SNTG1: variants seen among roughly 807,000 people sequenced by gnomAD.
The protein encoded by SNTG1 is gamma-1-syntrophin.
SNTG1 carries 39 observed loss-of-function variants against 74.7 expected under a neutral mutation model. The ratio of observed to expected loss-of-function variants is 0.52; its 90% CI spans 0.40 to 0.68. The LOEUF is 0.68. Ranked by LOEUF, SNTG1 falls within the 30% of genes least tolerant of loss-of-function variation. The pLI is 0.00. For synonymous variants in SNTG1, 254 were observed against 217.1 expected, an observed-to-expected ratio of 1.17 and a Z score of -1.49; for missense variants, 685 against 609.5, an observed-to-expected ratio of 1.12 and a Z score of -1.30.
At chr8:50,416,962 T>C (rs1420141296) in intron 4 of SNTG1, among the ~76,000 whole-genome samples, 3 of 152,136 alleles carry the variant, frequency 2.0e-5, no homozygotes, top group Non-Finnish European at 4.4e-5. Context: ...CATAAAGTAA[T>C]ACATTCAAGT....
intron 1 of SNTG1, among the ~76,000 whole-genome samples, chr8:50,085,529 A>G (rs1383807831): frequency 1.3e-5 from 2 of 152,210 alleles, no homozygotes; most frequent in Non-Finnish European, 2.9e-5. Flanking sequence ...CAGCATCCTC[A>G]TAGTATCATC....
chr8:50,563,964 C>T (rs2094501799), intron 12 of SNTG1, among the ~76,000 whole-genome samples: 1 of 152,152 alleles, frequency 6.6e-6, no homozygotes, highest in South Asian at 2.1e-4. Context: ...AATACTTTTA[C>T]TGAATAAAAA....
chr8:50,081,512 C>T (rs1028764370), intron 1 of SNTG1, among the ~76,000 whole-genome samples: 3 of 152,096 alleles, frequency 2.0e-5, no homozygotes, highest in African/African-American at 4.8e-5. Flanking sequence ...TTTTCTGTCC[C>T]TTTCACTTTC....
Position 50,187,292 on chromosome 8 carries a change from C to T in SNTG1, c.-28+14657C>T, listed in dbSNP as rs144049784. 2.1e-3 allele frequency among the ~76,000 whole-genome samples: 326 copies of T among 152,170 alleles called. 1 individual carries two copies. Among genetic ancestry groups the T allele is most frequent in the Non-Finnish European group, 3.5e-3 (239 of 67,992 alleles). ...TGCTACAAGGCTACAGCAATGAAAA[C>T]AGCAAGGTACTGGTACCAAAACAGA... On this transcript the variant is annotated intron_variant, in intron 2 of 18. Coordinates refer to ENST00000642720, the MANE Select transcript of SNTG1 (RefSeq NM_018967.5).
At chr8:50,579,814 T>C (rs1248685386) in intron 12 of SNTG1, among the ~76,000 whole-genome samples, 1 of 152,218 alleles carries the variant, frequency 6.6e-6, no homozygotes, top group Non-Finnish European at 1.5e-5. Context: ...TATGGACATG[T>C]CTGGGTGTCC....
chr8:50,720,351 T>C (rs1198745956), intron 17 of SNTG1, among the ~76,000 whole-genome samples: 1 of 152,238 alleles, frequency 6.6e-6, no homozygotes, highest in Admixed American at 6.5e-5. Context: ...GCTAACCTCT[T>C]CTCATTTGTA....
intron 15 of SNTG1, among the ~76,000 whole-genome samples, chr8:50,692,536 GT>G (rs2095385888): frequency 1.3e-5 from 2 of 152,174 alleles, no homozygotes; most frequent in African/African-American, 4.8e-5. Flanking sequence ...GTTTGCCTGG[GT>G]TTCAGCAGCG....
At chr8:50,103,058 C>A (rs1443404537) in intron 1 of SNTG1, among the ~76,000 whole-genome samples, 1 of 151,808 alleles carries the variant, frequency 6.6e-6, no homozygotes, top group Non-Finnish European at 1.5e-5. Flanking sequence ...TTTTTGGTTC[C>A]ATATGAACTT....
chr8:50,067,736 C>T (rs138273252), intron 1 of SNTG1, among the ~76,000 whole-genome samples: 43 of 152,230 alleles, frequency 2.8e-4, no homozygotes, highest in African/African-American at 1.0e-3. Context: ...CTGATGTCTT[C>T]AGCATGAGCT....
In SNTG1 at chr8:50,700,494, G is replaced by T. The variant is rs1313021847; in HGVS notation, c.1039-4106G>T. 4.6e-5 allele frequency among the ~76,000 whole-genome samples: 7 copies of T among 152,050 alleles called. No individual in the cohort carries two copies. In the East Asian group the frequency reaches 1.4e-3, roughly 29 times the overall value. ...TCCTCCTCCCACCCATCCACTCTTAGCCATCTAAAGCTTAGAGTCTATGCT... is the reference window on the plus strand; with the variant it reads ...TCCTCCTCCCACCCATCCACTCTTATCCATCTAAAGCTTAGAGTCTATGCT... On this transcript the variant is annotated intron_variant, in intron 15 of 18. Transcript: ENST00000642720.
rs530292000 is a variant in SNTG1, at chr8:50,796,384, T to G, written c.*3555T>G. The G allele has an allele frequency of 6.6e-6, 1 of 152,010 alleles. No individual in the cohort carries two copies. Among genetic ancestry groups the G allele is most frequent in the African/African-American group, 2.4e-5 (1 of 41,442 alleles). 9.4% of individuals were successfully genotyped at this position (152,010 alleles called of 1,614,324 possible). Reference sequence around the variant, plus strand: ...TCTAAAATTGTTCTTTATTGTTTATTCTTACTACCGAATACTTTAAAATCA... The same window carrying G: ...TCTAAAATTGTTCTTTATTGTTTATGCTTACTACCGAATACTTTAAAATCA... On this transcript the variant is annotated 3_prime_UTR_variant, in exon 19 of 19. Transcript: ENST00000642720.
At chr8:50,443,125 C>T (rs1036753855) in intron 5 of SNTG1, among the ~76,000 whole-genome samples, 2 of 152,180 alleles carry the variant, frequency 1.3e-5, no homozygotes, top group African/African-American at 4.8e-5. Context: ...TGTATTTTGC[C>T]TTATTCTTCC....
intron 1 of SNTG1, among the ~76,000 whole-genome samples, chr8:49,954,445 A>T (rs2129395876): frequency 6.6e-6 from 1 of 152,286 alleles, no homozygotes; most frequent in Non-Finnish European, 1.5e-5. Context: ...TGCTATTTAG[A>T]GGAGAAAGGT....
intron 2 of SNTG1, among the ~76,000 whole-genome samples, chr8:50,226,963 T>A (rs921268904): frequency 1.3e-5 from 2 of 152,160 alleles, no homozygotes; most frequent in East Asian, 1.9e-4. Flanking sequence ...ACCAAAAAAA[T>A]TTTAAAAACA....
chr8:50,692,458 T>G (rs1033540203), intron 15 of SNTG1, among the ~76,000 whole-genome samples: 4 of 152,212 alleles, frequency 2.6e-5, no homozygotes, highest in African/African-American at 9.6e-5. Context: ...TTGTTAGTTT[T>G]CCTTCCAGCA....
chr8:50,279,118 T>TA (rs886585739), intron 2 of SNTG1, among the ~76,000 whole-genome samples: 7 of 152,208 alleles, frequency 4.6e-5, no homozygotes, highest in Admixed American at 4.6e-4. Context: ...AAATGATGCA[T>TA]AAAAAATGCA....
chr8:50,078,001 T>C (rs1822051793), intron 1 of SNTG1, among the ~76,000 whole-genome samples: 1 of 152,190 alleles, frequency 6.6e-6, no homozygotes. Flanking sequence ...TACATCTATA[T>C]GTACATATAT....
At chr8:50,787,868 G>A (rs1281399884) in intron 18 of SNTG1, among the ~76,000 whole-genome samples, 2 of 151,982 alleles carry the variant, frequency 1.3e-5, no homozygotes, top group South Asian at 2.1e-4. Flanking sequence ...GACTTGTACT[G>A]GGTATAGGAT....
chr8:50,549,633 A>G (rs1361783238), intron 11 of SNTG1, among the ~76,000 whole-genome samples: 1 of 152,140 alleles, frequency 6.6e-6, no homozygotes, highest in Non-Finnish European at 1.5e-5. Context: ...TATGTGAGTT[A>G]TCACTGATTA....
Sources: gnomAD v4.1 joint callset for allele counts (sites outside exome capture counted in the v4.1 genomes callset) on GRCh38, gnomAD v4.1.1 for gene constraint, MANE v1.5 for transcripts, NCBI Gene and HGNC (gene_info 2026-07-23, HGNC 2026-07-21) for gene names.